Variants in CSMD3 observed in about 807,000 individuals in gnomAD.
The protein encoded by CSMD3 is CUB and Sushi multiple domains 3.
A neutral mutation model predicts 435.2 loss-of-function variants in CSMD3; 177 were observed. The ratio of observed to expected loss-of-function variants is 0.41; its 90% CI spans 0.36 to 0.46. CSMD3 has a LOEUF of 0.46. CSMD3 is among the 20% of genes least tolerant of loss of function. The probability of loss-of-function intolerance (pLI) is 0.34; values close to 1 mark genes in which losing one functional copy is unlikely to be tolerated. For synonymous variants in CSMD3, 1,656 were observed against 1,520.5 expected (o/e 1.09, Z -2.07); for missense variants, 4,265 against 4,504.6 (o/e 0.95, Z 1.52).
At chr8:112,347,561 G>C (rs899282602) in intron 40 of CSMD3, among the ~76,000 whole-genome samples, 1 of 152,148 alleles carries the variant, frequency 6.6e-6, no homozygotes, top group Non-Finnish European at 1.5e-5. Flanking sequence ...GTGTCAATCT[G>C]ATTTTATATA....
intron 11 of CSMD3, among the ~76,000 whole-genome samples, chr8:112,836,936 G>C (rs1481410678): frequency 6.6e-6 from 1 of 151,802 alleles, no homozygotes; most frequent in Non-Finnish European, 1.5e-5. Context: ...CTTGATGATA[G>C]TAATTACATG....
chr8:112,636,384 T>G (rs1158153900), intron 22 of CSMD3, among the ~76,000 whole-genome samples: 1 of 152,126 alleles, frequency 6.6e-6, no homozygotes, highest in Non-Finnish European at 1.5e-5. Flanking sequence ...TTTTAAGTTA[T>G]AAAATATTGT....
chr8:112,985,987 T>C (rs1236770992), intron 6 of CSMD3, among the ~76,000 whole-genome samples: 3 of 152,138 alleles, frequency 2.0e-5, no homozygotes, highest in Non-Finnish European at 4.4e-5. Flanking sequence ...ACCCCCGATC[T>C]GTGGAAAAAC....
In CSMD3 at chr8:112,335,367, T is replaced by A. The variant is rs2130947236; in HGVS notation, c.7127A>T (p.Asp2376Val). The A allele has an allele frequency of 6.2e-7, 1 of 1,614,014 alleles. No homozygotes were observed. The highest frequency in any genetic ancestry group is 1.1e-5 in the South Asian group (1 of 91,078). ...SNQILIKFHS[D>V]FTTSGFFVLS... is the part of the protein sequence containing the mutation. ...CACAAAAAAGCCACTTGTTGTGAAA[T>A]CACTGTGGAATTTGATTAGAATCTG... The change falls in exon 45 of 71, where the codon GAT (aspartate) becomes GTT (valine). Residue 2376 changes from aspartate (D) to valine (V), a missense_variant. Transcript: ENST00000297405.
intron 1 of CSMD3, among the ~76,000 whole-genome samples, chr8:113,337,074 G>C (rs1052077545): frequency 3.3e-5 from 5 of 152,082 alleles, no homozygotes; most frequent in African/African-American, 1.2e-4. Flanking sequence ...TTTGGGTACA[G>C]AAGGCAGGCT....
At chr8:113,324,806 A>G (rs1160764424) in intron 1 of CSMD3, among the ~76,000 whole-genome samples, 1 of 152,208 alleles carries the variant, frequency 6.6e-6, no homozygotes, top group Non-Finnish European at 1.5e-5. Context: ...CCAGCCCATG[A>G]AAGCAGCCAG....
chr8:113,313,802 C>G (rs1490960384), intron 2 of CSMD3: 1 of 152,084 alleles, frequency 6.6e-6, no homozygotes, highest in Non-Finnish European at 1.5e-5. Context: ...TATACAAACA[C>G]TGGCATAAAT....
intron 13 of CSMD3, among the ~76,000 whole-genome samples, chr8:112,749,545 G>GT (rs1166759128): frequency 1.3e-5 from 2 of 152,024 alleles, no homozygotes; most frequent in African/African-American, 4.8e-5. Context: ...TCAAGATGGA[G>GT]TAAAGACTTA....
chr8:113,346,264 C>T (rs934158769), intron 1 of CSMD3, among the ~76,000 whole-genome samples: 6 of 151,766 alleles, frequency 4.0e-5, no homozygotes, highest in East Asian at 2.0e-4. Flanking sequence ...TATTTATTGG[C>T]CTTTCTTGAT....
In CSMD3 at chr8:112,386,235, C is replaced by T. The variant is rs1024034163; in HGVS notation, c.5935-2572G>A. On this transcript the variant is annotated intron_variant, in intron 36 of 70. Coordinates refer to ENST00000297405, the MANE Select transcript of CSMD3 (RefSeq NM_198123.2). ...CTGATTTTGGACTTCTTGCTTCCAG[C>T]GCTATGAGGAAAAAAATAAAATCTG... 4.1e-4 allele frequency among the ~76,000 whole-genome samples: 63 copies of T among 151,986 alleles called. 2 individuals are homozygous for T. The highest frequency in any genetic ancestry group is 1.3e-4 in the Admixed American group (2 of 15,250).
At chr8:113,428,891 T>G (rs2094652909) in intron 1 of CSMD3, among the ~76,000 whole-genome samples, 1 of 151,910 alleles carries the variant, frequency 6.6e-6, no homozygotes, top group Non-Finnish European at 1.5e-5. Flanking sequence ...AATCATATTT[T>G]TTAATGTCAT....
At chr8:113,212,610 C>T (rs568101824) in intron 3 of CSMD3, among the ~76,000 whole-genome samples, 1 of 151,980 alleles carries the variant, frequency 6.6e-6, no homozygotes, top group African/African-American at 2.4e-5. Context: ...AAGCTGGAAA[C>T]CATCATTCTC....
intron 5 of CSMD3, among the ~76,000 whole-genome samples, chr8:113,039,534 T>G (rs2131279310): frequency 6.6e-6 from 1 of 152,270 alleles, no homozygotes; most frequent in African/African-American, 2.4e-5. Context: ...TATGGGATTG[T>G]CCCCTCCAGG....
At chr8:112,422,378 A>T (rs1011371507) in intron 32 of CSMD3, among the ~76,000 whole-genome samples, 1 of 152,214 alleles carries the variant, frequency 6.6e-6, no homozygotes, top group African/African-American at 2.4e-5. Context: ...ATAAGGTGAC[A>T]TATTCTGCAG....
At chr8:113,234,111 AAAGGCAGTC>A (rs2093121304) in intron 3 of CSMD3, among the ~76,000 whole-genome samples, 1 of 152,152 alleles carries the variant, frequency 6.6e-6, no homozygotes, top group Non-Finnish European at 1.5e-5. Context: ...AGTTCCGAAT[AAAGGCAGTC>A]AATGTTGTTG....
rs540232551 is a variant in CSMD3 at position 112,394,885 on chromosome 8, C to A, written c.5810-4097G>T. Among the ~76,000 whole-genome samples the A allele has an allele frequency of 2.0e-5, 3 of 152,260 alleles. No homozygotes were observed. In the East Asian group the frequency reaches 5.8e-4, roughly 29 times the overall value. ...TCACCAGTGCTTAGAATAGTGTTGGCATGCAGTAAGCACTCAATAAATTAT... is the reference window on the plus strand; with the variant it reads ...TCACCAGTGCTTAGAATAGTGTTGGAATGCAGTAAGCACTCAATAAATTAT... On this transcript the variant is annotated intron_variant, in intron 35 of 70. Transcript: ENST00000297405.
intron 4 of CSMD3, among the ~76,000 whole-genome samples, chr8:113,127,353 C>T (rs1457074976): frequency 6.6e-6 from 1 of 152,080 alleles, no homozygotes; most frequent in African/African-American, 2.4e-5. Flanking sequence ...ACATTCACCT[C>T]CTTTTATTAT....
chr8:112,637,434 A>G (rs2074693579), intron 21 of CSMD3, among the ~76,000 whole-genome samples: 1 of 152,142 alleles, frequency 6.6e-6, no homozygotes, highest in Non-Finnish European at 1.5e-5. Context: ...TAAATGATAA[A>G]GGCCCTTCTG....
At chr8:112,456,131 A>G (rs570788759) in intron 32 of CSMD3, among the ~76,000 whole-genome samples, 1 of 152,288 alleles carries the variant, frequency 6.6e-6, no homozygotes, top group African/African-American at 2.4e-5. Flanking sequence ...AAATGTGGAA[A>G]AGGATTATGT....
Sources: allele counts gnomAD v4.1 joint callset (sites outside exome capture counted in the v4.1 genomes callset), GRCh38; gene constraint gnomAD v4.1.1; transcripts MANE v1.5; gene names NCBI Gene and HGNC (gene_info 2026-07-23, HGNC 2026-07-21).